Variants in LMBR1 observed in about 807,000 individuals in gnomAD.
LMBR1 encodes limb development membrane protein 1, also known as limb region 1 protein homolog.
A neutral mutation model predicts 73.9 loss-of-function variants in LMBR1; 52 were observed. The ratio of observed to expected loss-of-function variants is 0.70; its 90% CI spans 0.56 to 0.89. LMBR1 has a LOEUF of 0.89. Among genes scored for constraint, LMBR1 ranks in the 40% least tolerant of loss-of-function variants. The probability of loss-of-function intolerance (pLI) is 0.00; values close to 1 mark genes in which losing one functional copy is unlikely to be tolerated. For missense variants in LMBR1, 539 were observed against 579.8 expected, an observed-to-expected ratio of 0.93 and a Z score of 0.72; for synonymous variants, 215 against 209.4, an observed-to-expected ratio of 1.03 and a Z score of -0.23.
chr7:156,835,814 C>T (rs1221269331), intron 2 of LMBR1, among the ~76,000 whole-genome samples: 1 of 152,144 alleles, frequency 6.6e-6, no homozygotes, highest in Non-Finnish European at 1.5e-5. Flanking sequence ...TCTCCCACCA[C>T]TCCTGCGTTA....
intron 15 of LMBR1, among the ~76,000 whole-genome samples, chr7:156,693,767 A>G (rs974228527): frequency 1.3e-5 from 2 of 152,268 alleles, no homozygotes; most frequent in African/African-American, 4.8e-5. Flanking sequence ...AGAAAAGGAA[A>G]GTAAACTTCC....
intron 9 of LMBR1, chr7:156,736,438 G>T (rs1310858844): frequency 6.8e-6 from 3 of 440,766 alleles, no homozygotes; most frequent in South Asian, 1.6e-5. Flanking sequence ...TTTTTTAAAG[G>T]TTTTATCTTT....
chr7:156,859,873 G>A (rs1797488605), intron 1 of LMBR1, among the ~76,000 whole-genome samples: 2 of 152,192 alleles, frequency 1.3e-5, no homozygotes, highest in Admixed American at 1.3e-4. Flanking sequence ...TTGGAGGACT[G>A]ACATTACCTG....
At chr7:156,782,648 G>A (rs1827353331) in intron 5 of LMBR1, among the ~76,000 whole-genome samples, 1 of 152,204 alleles carries the variant, frequency 6.6e-6, no homozygotes, top group East Asian at 1.9e-4. Context: ...AGGTTCAAGC[G>A]ATTCTCCCGC....
At chr7:156,689,143 GA>G (rs987753197) in intron 15 of LMBR1, among the ~76,000 whole-genome samples, 1 of 151,826 alleles carries the variant, frequency 6.6e-6, no homozygotes, top group African/African-American at 2.4e-5. Context: ...GTATTTACTG[GA>G]AAAAAATACA....
chr7:156,716,696 T>C (rs1344378850), intron 15 of LMBR1, among the ~76,000 whole-genome samples: 1 of 152,230 alleles, frequency 6.6e-6, no homozygotes, highest in African/African-American at 2.4e-5. Context: ...TAAAAGGACA[T>C]CCGCTTAGAA....
Position 156,724,195 on chromosome 7 carries a change from GA to G in LMBR1, c.1159-18del. 1 of 1,596,100 alleles carries G rather than the reference GA, an allele frequency of 6.3e-7. No homozygotes were observed. Among genetic ancestry groups the G allele is most frequent in the Admixed American group, 1.7e-5 (1 of 59,062 alleles). ...TCCAATGATCTGTTATGAGAAACGA[GA>G]AAGAATATTGGGCAGTTAAACAGCA... On this transcript the variant is annotated intron_variant, in intron 14 of 16. Transcript: ENST00000353442.
intron 15 of LMBR1, among the ~76,000 whole-genome samples, chr7:156,700,463 C>T (rs868522119): frequency 5.3e-5 from 8 of 152,136 alleles, no homozygotes; most frequent in Middle Eastern, 3.4e-3. Flanking sequence ...TTAATGGGTG[C>T]AGCACACCAA....
At chr7:156,717,346 G>A (rs1341775058) in intron 15 of LMBR1, among the ~76,000 whole-genome samples, 1 of 152,188 alleles carries the variant, frequency 6.6e-6, no homozygotes, top group Non-Finnish European at 1.5e-5. Context: ...AGTGTGAGGT[G>A]GCAGGAGGAC....
chr7:156,786,416 A>C (rs943245071), intron 5 of LMBR1, among the ~76,000 whole-genome samples: 1 of 152,234 alleles, frequency 6.6e-6, no homozygotes, highest in African/African-American at 2.4e-5. Flanking sequence ...GGGTAACGTT[A>C]TTGTATAAAT....
intron 5 of LMBR1, among the ~76,000 whole-genome samples, chr7:156,794,519 T>C (rs1488135505): frequency 6.6e-6 from 1 of 152,148 alleles, no homozygotes; most frequent in Non-Finnish European, 1.5e-5. Flanking sequence ...CCTTTCCTAG[T>C]TGGTTAATTC....
chr7:156,846,668 T>G (rs1795517384), intron 1 of LMBR1, among the ~76,000 whole-genome samples: 1 of 152,160 alleles, frequency 6.6e-6, no homozygotes, highest in Admixed American at 6.5e-5. Context: ...CAAGTTATTT[T>G]GTAGATATCA....
chr7:156,769,497 A>G lies in LMBR1; in HGVS notation c.424-5702T>C, dbSNP rs533757171. Among the ~76,000 whole-genome samples the G allele has an allele frequency of 2.0e-5, 3 of 152,246 alleles. No homozygotes were observed. The South Asian group carries it at 6.2e-4, about 32-fold the overall frequency. The stretch of plus-strand genomic sequence containing the variant: ...CCAGATCTGAAGGTCTTTTCATATC[A>G]CTAAACCTGGAATACAAGGTCCTTG... On this transcript the variant is annotated intron_variant, in intron 5 of 16. Transcript: ENST00000353442.
chr7:156,695,100 G>A (rs1202509543), intron 15 of LMBR1, among the ~76,000 whole-genome samples: 1 of 152,208 alleles, frequency 6.6e-6, no homozygotes, highest in Non-Finnish European at 1.5e-5. Context: ...ACTTGAAGCA[G>A]GAGTTTGAGA....
At chr7:156,826,341 T>C (rs1835693725) in intron 4 of LMBR1, among the ~76,000 whole-genome samples, 1 of 152,188 alleles carries the variant, frequency 6.6e-6, no homozygotes, top group African/African-American at 2.4e-5. Context: ...ACCAAAATAC[T>C]CTAGCTAAAT....
intron 1 of LMBR1, among the ~76,000 whole-genome samples, chr7:156,879,663 C>CAAAAA (rs751353773): frequency 6.5e-5 from 6 of 92,412 alleles, no homozygotes; most frequent in African/African-American, 1.2e-4. Flanking sequence ...GACTCTGTCT[C>CAAAAA]AAAAAAAAAA....
intron 5 of LMBR1, among the ~76,000 whole-genome samples, chr7:156,764,751 T>C (rs931200419): frequency 3.9e-5 from 6 of 152,238 alleles, no homozygotes; most frequent in African/African-American, 1.4e-4. Flanking sequence ...TATTACTTTC[T>C]AGTTTCTGAA....
At chr7:156,839,406 G>A (rs1339911300) in intron 1 of LMBR1, among the ~76,000 whole-genome samples, 2 of 151,954 alleles carry the variant, frequency 1.3e-5, no homozygotes, top group African/African-American at 2.4e-5. Flanking sequence ...TCAGATCTGG[G>A]GAATGCCAGA....
At chr7:156,809,531 T>C (rs1320558929) in intron 4 of LMBR1, among the ~76,000 whole-genome samples, 1 of 152,210 alleles carries the variant, frequency 6.6e-6, no homozygotes, top group Non-Finnish European at 1.5e-5. Flanking sequence ...ACAGTGTAAA[T>C]CTATGTAAAT....
Sources: gnomAD v4.1 joint callset for allele counts (sites outside exome capture counted in the v4.1 genomes callset) on GRCh38, gnomAD v4.1.1 for gene constraint, MANE v1.5 for transcripts, NCBI Gene and HGNC (gene_info 2026-07-23, HGNC 2026-07-21) for gene names.